PCDHA6: variants seen among roughly 807,000 people sequenced by gnomAD.
PCDHA6 encodes protocadherin alpha-6.
A neutral mutation model predicts 60.3 loss-of-function variants in PCDHA6; 55 were observed. That is an observed-to-expected ratio of 0.91 (90% CI 0.73 to 1.14). The LOEUF (loss-of-function observed/expected upper bound fraction) is 1.14. Ranked by LOEUF, PCDHA6 falls within the 50% of genes most tolerant of loss-of-function variation. PCDHA6 has a pLI of 0.00. For missense variants in PCDHA6, 1,327 were observed against 1,256.5 expected, an observed-to-expected ratio of 1.06 and a Z score of -0.85; for synonymous variants, 652 against 557.9, an observed-to-expected ratio of 1.17 and a Z score of -2.38.
At chr5:140,857,407 G>A (rs372428918) in intron 1 of PCDHA6, 10 of 1,598,382 alleles carry the variant, frequency 6.3e-6, no homozygotes, top group Non-Finnish European at 8.6e-6. Flanking sequence ...ACGCGCCTGC[G>A]TTCGCGCAGT....
chr5:140,834,540 G>C, intron 1 of PCDHA6: 1 of 1,614,082 alleles, frequency 6.2e-7, no homozygotes, highest in Non-Finnish European at 8.5e-7. Context: ...GCAGGACCTG[G>C]GGCTGGAGCT....
chr5:140,871,533 G>T, intron 1 of PCDHA6: 1 of 1,516,446 alleles, frequency 6.6e-7, no homozygotes, highest in Non-Finnish European at 8.8e-7. Flanking sequence ...GGAAGTGTAT[G>T]TGAAATTATT....
In PCDHA6 at chr5:140,828,897, G is replaced by A. The variant is rs2150160377; in HGVS notation, c.806G>A (p.Arg269Gln). 12 of 1,613,934 alleles carry A rather than the reference G, an allele frequency of 7.4e-6. No individual in the cohort carries two copies. The Admixed American group carries it at 2.0e-4, about 27-fold the overall frequency. ...GTTATCAGACTGAATGCTTCTGATC[G>A]GGATGAAGGAGCGAATGGGGCAATT... ...TTVIRLNASD[R>Q]DEGANGAISY... Residue 269 changes from arginine (R) to glutamine (Q), a missense_variant, in exon 1 of 4, where the codon CGG becomes CAG. Arg to Gln is a conservative substitution (Grantham distance 43, BLOSUM62 1). Coordinates refer to ENST00000529310, the MANE Select transcript of PCDHA6 (RefSeq NM_018909.4).
intron 3 of PCDHA6, among the ~76,000 whole-genome samples, chr5:140,997,754 G>A (rs1450156263): frequency 6.6e-6 from 1 of 151,922 alleles, no homozygotes; most frequent in Non-Finnish European, 1.5e-5. Context: ...ATCTTCTTGA[G>A]TAAGGATATA....
intron 1 of PCDHA6, among the ~76,000 whole-genome samples, chr5:140,893,669 C>T (rs1204530639): frequency 6.6e-6 from 1 of 152,158 alleles, no homozygotes; most frequent in African/African-American, 2.4e-5. Flanking sequence ...AAAATTTCAG[C>T]ACTTTGGATA....
At chr5:140,884,247 C>G (rs1554181368) in intron 1 of PCDHA6, 5 of 1,613,398 alleles carry the variant, frequency 3.1e-6, no homozygotes, top group Non-Finnish European at 4.2e-6. Flanking sequence ...CCCGCGCTGA[C>G]GGCCACGGCA....
At chr5:140,836,296 A>G (rs1294221854) in intron 1 of PCDHA6, 1 of 1,613,690 alleles carries the variant, frequency 6.2e-7, no homozygotes, top group Non-Finnish European at 8.5e-7. Flanking sequence ...CGAGCCCTAG[A>G]TGAGACGGAC....
Position 140,829,037 on chromosome 5 carries a change from T to C in PCDHA6, c.946T>C (p.Tyr316His), listed in dbSNP as rs2150162033. ...TTTGGATTTTGAACAAGAAAACTTA[T>C]ACAAAATCCTCATTGACGCCACGGA... ...GNLDFEQENL[Y>H]KILIDATDKG... is the part of the protein sequence containing the mutation. The change falls in exon 1 of 4, where the codon TAC (tyrosine) becomes CAC (histidine). Residue 316 changes from tyrosine to histidine, a missense_variant. Tyr to His is a moderately conservative substitution (Grantham distance 83). Coordinates refer to ENST00000529310, the MANE Select transcript of PCDHA6 (RefSeq NM_018909.4). 9.3e-6 allele frequency: 15 copies of C among 1,613,076 alleles called. No homozygotes were observed. Among genetic ancestry groups the C allele is most frequent in the Non-Finnish European group, 1.0e-5 (12 of 1,179,162 alleles).
At chr5:140,978,222 G>A (rs997273847) in intron 1 of PCDHA6, among the ~76,000 whole-genome samples, 7 of 152,298 alleles carry the variant, frequency 4.6e-5, no homozygotes, top group East Asian at 1.9e-4. Context: ...AATGTATCAG[G>A]TTTTTCTTGG....
chr5:140,867,399 A>G (rs1001723593), intron 1 of PCDHA6: 2 of 152,166 alleles, frequency 1.3e-5, no homozygotes, highest in Non-Finnish European at 2.9e-5. Context: ...AAAAGTTGAT[A>G]TGTCTCCTTT....
chr5:140,966,974 C>A, intron 1 of PCDHA6: 1 of 1,602,874 alleles, frequency 6.2e-7, no homozygotes, highest in Non-Finnish European at 8.5e-7. Context: ...GCTTGAGCTG[C>A]GGCGCTTGGG....
chr5:140,862,997 G>T, intron 1 of PCDHA6: 1 of 549,924 alleles, frequency 1.8e-6, no homozygotes, highest in Non-Finnish European at 3.6e-6. Context: ...GCGCACGGTG[G>T]ACTCCAGCTA....
intron 1 of PCDHA6, chr5:140,863,344 T>C (rs1554158123): frequency 1.5e-6 from 2 of 1,323,546 alleles, no homozygotes; most frequent in Admixed American, 1.8e-5. Context: ...GTTGCTGCTG[T>C]ACACGACGCT....
At position 140,835,847 on chromosome 5, in the gene PCDHA6, G is replaced by C. The variant is rs140727991; in HGVS notation, c.2394+5362G>C. 590 of 1,612,226 alleles carry C rather than the reference G, an allele frequency of 3.7e-4. 11 individuals are homozygous for C. The highest frequency in any genetic ancestry group is 6.3e-4 in the Admixed American group (38 of 59,986). On this transcript the variant is annotated intron_variant, in intron 1 of 3. Coordinates refer to ENST00000529310, the MANE Select transcript of PCDHA6 (RefSeq NM_018909.4). ...GGGACGCGGACGCGCAGAAGAACGC[G>C]CTGGTGTCCTACTCGCTGGTGGAGC...
intron 2 of PCDHA6, 157 bp from the exon 3 acceptor site, chr5:140,982,318 G>C (rs2096977750): frequency 6.6e-6 from 9 of 1,356,910 alleles, no homozygotes; most frequent in Non-Finnish European, 8.8e-6. Flanking sequence ...AGTTTATGCA[G>C]GGTGACTGCT....
Position 141,010,530 on chromosome 5 carries a change from A to T in PCDHA6, c.*593A>T, listed in dbSNP as rs188140091. 45 of 414,090 alleles carry T rather than the reference A, an allele frequency of 1.1e-4. No homozygotes were observed. In the Admixed American group the frequency reaches 1.6e-3, roughly 15 times the overall value. The allele number at this position is 414,090 out of a possible 1,614,324, so 25.7% of individuals were successfully genotyped here. On this transcript the variant is annotated 3_prime_UTR_variant, in exon 4 of 4. Coordinates refer to ENST00000529310, the MANE Select transcript of PCDHA6 (RefSeq NM_018909.4). ...TCTTACAACTCAAGAGGTGGCAGCC[A>T]CCCTCTAGGAGACAAAACTACCCCC... is the stretch of plus-strand genomic sequence containing the variant.
chr5:141,009,471 G>A, intron 3 of PCDHA6, 156 bp from the exon 4 acceptor site: 1 of 961,136 alleles, frequency 1.0e-6, no homozygotes, highest in Non-Finnish European at 1.2e-6. Context: ...AAATAAATAA[G>A]TAAACACTTG....
chr5:140,935,118 T>G (rs189908862), intron 1 of PCDHA6, among the ~76,000 whole-genome samples: 6 of 152,324 alleles, frequency 3.9e-5, no homozygotes, highest in Admixed American at 3.3e-4. Flanking sequence ...AGCTTTCACT[T>G]ATTTTTAGTG....
chr5:140,858,495 G>T, intron 1 of PCDHA6: 1 of 1,481,630 alleles, frequency 6.7e-7, no homozygotes, highest in Non-Finnish European at 9.2e-7. Flanking sequence ...TTCTCTTACC[G>T]CATTTTCTCA....
Sources: allele counts gnomAD v4.1 joint callset (sites outside exome capture counted in the v4.1 genomes callset), GRCh38; gene constraint gnomAD v4.1.1; transcripts MANE v1.5; gene names NCBI Gene and HGNC (gene_info 2026-07-23, HGNC 2026-07-21).